Variants in MROH6 observed in about 807,000 individuals in gnomAD.
MROH6 encodes the protein maestro heat-like repeat-containing protein family member 6.
Under a neutral mutation model 67.7 loss-of-function variants are expected in MROH6, and 62 were observed. The ratio of observed to expected loss-of-function variants is 0.92; its 90% CI spans 0.75 to 1.13. MROH6 has a LOEUF of 1.13. Ranked by LOEUF, MROH6 falls within the 50% of genes most tolerant of loss-of-function variation. MROH6 has a pLI of 0.00. For synonymous variants in MROH6, 566 were observed against 470.8 expected, an observed-to-expected ratio of 1.20 and a Z score of -2.62; for missense variants, 1,175 against 1,029.1, an observed-to-expected ratio of 1.14 and a Z score of -1.94.
rs546255025 is a variant in MROH6, at chr8:143,567,388, G to A, written c.2011C>T (p.Leu671=). ...CGGGGGCAGCCCCGGGCACGGGCCAGCATCGCCACCTGCTGAGCGGACACG... is the reference window on the plus strand; with the variant it reads ...CGGGGGCAGCCCCGGGCACGGGCCAACATCGCCACCTGCTGAGCGGACACG... ...AHVSAQQVAM[L]ARARGCPRGP... The change falls in exon 14 of 14, where the codon CTG becomes TTG. Residue 671 remains leucine (L), a synonymous_variant. Transcript: ENST00000398882. 11 of 1,249,896 alleles carry A rather than the reference G, an allele frequency of 8.8e-6. No individual in the cohort carries two copies. The African/African-American group carries it at 1.2e-4, about 14-fold the overall frequency. The allele number at this position is 1,249,896 out of a possible 1,614,324, so 77.4% of individuals were successfully genotyped here. A position where few individuals can be genotyped will look rare whatever the true frequency, so the allele number is the denominator to read the frequency against.
Position 143,566,968 on chromosome 8 carries a change from C to T in MROH6, c.*271G>A. 3.3e-6 allele frequency: 1 copy of T among 306,236 alleles called. No individual in the cohort carries two copies. Among genetic ancestry groups the T allele is most frequent in the Non-Finnish European group, 6.0e-6 (1 of 165,754 alleles). 19.0% of individuals were successfully genotyped at this position (306,236 alleles called of 1,614,324 possible). On this transcript the variant is annotated 3_prime_UTR_variant, in exon 14 of 14. Transcript: ENST00000398882. ...CTCAAGAGGCCAGGTGCCATCTGGG[C>T]CAGGAGCCAGGCCCAAGGTTGGGGC... is the stretch of plus-strand genomic sequence containing the variant.
chr8:143,568,729 A>G lies in MROH6; in HGVS notation c.1477-10T>C. On this transcript the variant is annotated splice_polypyrimidine_tract_variant and intron_variant, in intron 9 of 13. Transcript: ENST00000398882. ...GGATTGAGTCCCGTGTCTGCGTGGG[A>G]GGGCGCAGTCAGGGCAGGCGGAGAC... 1 of 1,457,658 alleles carries G rather than the reference A, an allele frequency of 6.9e-7. No homozygotes were observed. Among genetic ancestry groups the G allele is most frequent in the African/African-American group, 1.4e-5 (1 of 69,486 alleles). The allele number at this position is 1,457,658 out of a possible 1,614,324, so 90.3% of individuals were successfully genotyped here.
intron 9 of MROH6, 51 bp from the exon 10 acceptor site, chr8:143,568,770 G>A (rs1463892112): frequency 3.8e-6 from 5 of 1,311,902 alleles, no homozygotes; most frequent in African/African-American, 3.1e-5. Flanking sequence ...GGGGCTGCAA[G>A]GGTGGGAGGG....
intron 3 of MROH6, among the ~76,000 whole-genome samples, chr8:143,571,378 C>A (rs1458299607): frequency 6.6e-6 from 1 of 152,210 alleles, no homozygotes; most frequent in East Asian, 1.9e-4. Context: ...TCATTCACCC[C>A]ACTCCGGAGC....
chr8:143,568,203 T>A lies in MROH6; in HGVS notation c.1703A>T (p.Glu568Val), dbSNP rs1210254624. 1.2e-6 allele frequency: 2 copies of A among 1,610,808 alleles called. No individual in the cohort carries two copies. The highest frequency in any genetic ancestry group is 4.5e-5 in the East Asian group (2 of 44,816). The change falls in exon 11 of 14, where the codon GAG becomes GTG. Residue 568 changes from glutamate (E) to valine (V), a missense_variant. Physicochemically the swap from Glu to Val is moderately radical, Grantham distance 121. Coordinates refer to ENST00000398882, the MANE Select transcript of MROH6 (RefSeq NM_001100878.2). ...DHAFCWGLLE[E>V]LVTVAHYDSP... ...GTCATAGTGGGCCACGGTGACCAAC[T>A]CCTCCAGCAGGCCCCAGCAAAAGGC...
chr8:143,569,667 C>T (rs146481982), intron 8 of MROH6, 30 bp downstream of exon 8: 6 of 1,608,044 alleles, frequency 3.7e-6, no homozygotes, highest in Non-Finnish European at 5.1e-6. Context: ...CCGGGCCAAG[C>T]CCCTCTCCAC....
Position 143,571,839 on chromosome 8 carries a change from A to T in MROH6, c.448-18T>A. 1 of 1,533,494 alleles carries T rather than the reference A, an allele frequency of 6.5e-7. No homozygotes were observed. The highest frequency in any genetic ancestry group is 8.8e-7 in the Non-Finnish European group (1 of 1,138,514). The allele number at this position is 1,533,494 out of a possible 1,614,324, so 95.0% of individuals were successfully genotyped here. On this transcript the variant is annotated intron_variant, in intron 2 of 13. Transcript: ENST00000398882. ...GCATGCACCTGGTGGGGAAGGGGGC[A>T]GACTTCAGCAGTCAGGCCTCCTCCA...
In MROH6 at chr8:143,570,475, G is replaced by A. The variant is rs778690967; in HGVS notation, c.903C>T (p.Ala301=). Residue 301 remains alanine, a splice_region_variant and synonymous_variant, in exon 5 of 14, where the codon GCC becomes GCT. Coordinates refer to ENST00000398882, the MANE Select transcript of MROH6 (RefSeq NM_001100878.2). ...CGTAACCTGGTGTTGCCTCTCACCT[G>A]GCATGGCTATGTGGTGGCCCTCGGT... ...LSHRGPPHSH[A]SCAVEALKAL... 1.9e-6 allele frequency: 3 copies of A among 1,611,744 alleles called. No individual in the cohort carries two copies. The highest frequency in any genetic ancestry group is 1.7e-4 in the Middle Eastern group (1 of 6,058).
chr8:143,571,725 G>T lies in MROH6; in HGVS notation c.544C>A (p.Leu182Met). 6.4e-7 allele frequency: 1 copy of T among 1,550,432 alleles called. No homozygotes were observed. The change falls in exon 3 of 14, where the codon CTG (leucine) becomes ATG (methionine). Residue 182 changes from leucine (L) to methionine (M), a missense_variant. Physicochemically the swap from Leu to Met is conservative, Grantham distance 15. Transcript: ENST00000398882. ...CACACCACGTCCCGCGCATGCTCCA[G>T]GGCCAGTGCGCTCAGCACTCGCAGG... The part of the protein sequence containing the change: ...AALRVLSALA[L>M]EHARDVVCAL...
In MROH6 at chr8:143,570,939, C is replaced by G. The variant is rs968902000; in HGVS notation, c.658G>C (p.Val220Leu). Residue 220 changes from valine (V) to leucine (L), a missense_variant, in exon 4 of 14, where the codon GTG becomes CTG. By Grantham distance (32) the Val-to-Leu change is conservative. Coordinates refer to ENST00000398882, the MANE Select transcript of MROH6 (RefSeq NM_001100878.2). ...LSRNQRVNGQ[V>L]LVQLLWALKG... ...AGCGCCCACAGCAGTTGCACCAGCA[C>G]CTGCCCATTTACACGCTGGTTACGG... 2.6e-6 allele frequency: 4 copies of G among 1,549,056 alleles called. No homozygotes were observed. The African/African-American group carries it at 5.5e-5, about 21-fold the overall frequency.
chr8:143,571,115 C>G, intron 3 of MROH6, 121 bp from the exon 4 acceptor site: 1 of 707,828 alleles, frequency 1.4e-6, no homozygotes, highest in Non-Finnish European at 2.4e-6. Context: ...GGCAGGAAAC[C>G]CCTCCCATCT....
In MROH6 at chr8:143,572,153, A is replaced by G; in HGVS notation, c.327T>C (p.Leu109=). The change falls in exon 2 of 14, where the codon CTT becomes CTC. Residue 109 remains leucine (L), a synonymous_variant. Coordinates refer to ENST00000398882, the MANE Select transcript of MROH6 (RefSeq NM_001100878.2). ...VPQSSWEEGV[L]ADLALYTAAC... ...CAGCCGTGTACAACGCGAGGTCGGC[A>G]AGAACTCCCTCCTCCCAGGAACTCT... 1 of 1,613,036 alleles carries G rather than the reference A, an allele frequency of 6.2e-7. No individual in the cohort carries two copies. Among genetic ancestry groups the G allele is most frequent in the Non-Finnish European group, 8.5e-7 (1 of 1,179,850 alleles).
intron 5 of MROH6, 32 bp downstream of exon 5, chr8:143,570,441 C>T: frequency 2.5e-6 from 3 of 1,198,314 alleles, no homozygotes; most frequent in Non-Finnish European, 3.4e-6. Flanking sequence ...AGCATGCTGG[C>T]CCGCCCCACG....
rs1414941097 is a variant in MROH6, at chr8:143,570,286, C to G, written c.1000G>C (p.Val334Leu). The change falls in exon 6 of 14, where the codon GTG becomes CTG. Residue 334 changes from valine to leucine, a missense_variant. Physicochemically the swap from Val to Leu is conservative, Grantham distance 32. Transcript: ENST00000398882. ...CCCTCCAGGTGGGTGTGGGCTCCCA[C>G]CAGCCTCCTCCAGCCTCCTGCCTGC... ...MEQAGGWRRLVGAHTHLEGVL... is the reference protein window; with the variant it reads ...MEQAGGWRRLLGAHTHLEGVL... 6.2e-7 allele frequency: 1 copy of G among 1,605,068 alleles called. No individual in the cohort carries two copies. The highest frequency in any genetic ancestry group is 2.2e-5 in the East Asian group (1 of 44,830).
chr8:143,571,131 C>G (rs1299555329), intron 3 of MROH6, 137 bp from the exon 4 acceptor site: 1 of 650,544 alleles, frequency 1.5e-6, no homozygotes, highest in Admixed American at 2.7e-5. Flanking sequence ...CATCTCCCCC[C>G]ATCCCCAAAT....
At position 143,572,408 on chromosome 8, in the gene MROH6, C is replaced by G; in HGVS notation, c.294+13G>C. ...AGGCCGGTTCGCACAACATCCCTTC[C>G]CTCCCCCGTCACCTGGTGGGGCCCC... is the stretch of plus-strand genomic sequence containing the variant. On this transcript the variant is annotated intron_variant, in intron 1 of 13. Coordinates refer to ENST00000398882, the MANE Select transcript of MROH6 (RefSeq NM_001100878.2). 1 of 1,548,044 alleles carries G rather than the reference C, an allele frequency of 6.5e-7. No individual in the cohort carries two copies. The highest frequency in any genetic ancestry group is 8.7e-7 in the Non-Finnish European group (1 of 1,149,406).
chr8:143,571,130 C>T lies in MROH6; in HGVS notation c.603-136G>A, dbSNP rs994159488. On this transcript the variant is annotated intron_variant, in intron 3 of 13. Coordinates refer to ENST00000398882, the MANE Select transcript of MROH6 (RefSeq NM_001100878.2). ...GGCAGGAAACCCCTCCCATCTCCCC[C>T]CATCCCCAAATCTCAGAGAAACAAA... is the stretch of plus-strand genomic sequence containing the variant. 7 of 651,728 alleles carry T rather than the reference C, an allele frequency of 1.1e-5. No homozygotes were observed. The South Asian group carries it at 1.3e-4, about 12-fold the overall frequency. 40.4% of individuals were successfully genotyped at this position (651,728 alleles called of 1,614,324 possible).
rs762992275 is a variant in MROH6, at chr8:143,569,715, G to T, written c.1284C>A (p.Leu428=). The change falls in exon 8 of 14, where the codon CTC becomes CTA. Residue 428 remains leucine, a synonymous_variant. Coordinates refer to ENST00000398882, the MANE Select transcript of MROH6 (RefSeq NM_001100878.2). The stretch of plus-strand genomic sequence containing the variant: ...CTCACACCTTCCTGCGATTCAGCGC[G>T]AGGTGGCCCAGGCCCAGCAGGCCCA... ...RWLGLLGLGH[L]ALNRRKVRHV... is the part of the protein sequence containing the mutation. 5 of 1,612,886 alleles carry T rather than the reference G, an allele frequency of 3.1e-6. No individual in the cohort carries two copies. The Admixed American group carries it at 8.3e-5, about 27-fold the overall frequency.
At position 143,570,429 on chromosome 8, in the gene MROH6, A is replaced by G. The variant is rs766398673; in HGVS notation, c.905+44T>C. The G allele has an allele frequency of 1.9e-6, 3 of 1,594,420 alleles. No individual in the cohort carries two copies. In the South Asian group the frequency reaches 3.4e-5, roughly 18 times the overall value. ...GTGGGCAGTGGGAGCTGAGAGGGTGACAGCATGCTGGCCCGCCCCACGTAA... is the reference window on the plus strand; with the variant it reads ...GTGGGCAGTGGGAGCTGAGAGGGTGGCAGCATGCTGGCCCGCCCCACGTAA... On this transcript the variant is annotated intron_variant, in intron 5 of 13. Coordinates refer to ENST00000398882, the MANE Select transcript of MROH6 (RefSeq NM_001100878.2).
Sources: gnomAD v4.1 joint callset for allele counts (sites outside exome capture counted in the v4.1 genomes callset) on GRCh38, gnomAD v4.1.1 for gene constraint, MANE v1.5 for transcripts, NCBI Gene and HGNC (gene_info 2026-07-23, HGNC 2026-07-21) for gene names.